Variants in ZFHX3 observed in about 807,000 individuals in gnomAD.
ZFHX3 encodes the protein zinc finger homeobox protein 3.
In ZFHX3, 42 loss-of-function variants were observed where a neutral mutation model predicts 279.1. The ratio of observed to expected loss-of-function variants is 0.15; its 90% confidence interval spans 0.12 to 0.19. The LOEUF is 0.19. Ranked by LOEUF, ZFHX3 falls within the 10% of genes least tolerant of loss-of-function variation. The probability of loss-of-function intolerance (pLI) is 1.00; values close to 1 mark genes in which losing one functional copy is unlikely to be tolerated. For missense variants in ZFHX3, 4,981 were observed against 4,754.0 expected, an observed-to-expected ratio of 1.05 and a Z score of -1.40; for synonymous variants, 2,293 against 1,957.8, an observed-to-expected ratio of 1.17 and a Z score of -4.52.
At chr16:72,856,382 G>A (rs1348536644) in intron 4 of ZFHX3, among the ~76,000 whole-genome samples, 2 of 152,236 alleles carry the variant, frequency 1.3e-5, no homozygotes, top group East Asian at 3.9e-4. Flanking sequence ...GGGCTCACGA[G>A]GCTTCCGGTG....
chr16:73,497,357 C>T (rs1339907969), intron 2 of ZFHX3, among the ~76,000 whole-genome samples: 1 of 152,142 alleles, frequency 6.6e-6, no homozygotes, highest in Non-Finnish European at 1.5e-5. Flanking sequence ...GAGAAAGACT[C>T]GGTTGTGGGT....
At chr16:73,208,871 C>T (rs2011904158) in intron 5 of ZFHX3, among the ~76,000 whole-genome samples, 1 of 152,182 alleles carries the variant, frequency 6.6e-6, no homozygotes, top group Non-Finnish European at 1.5e-5. Flanking sequence ...TTTATCAGTA[C>T]TGCCCCAAAC....
intron 8 of ZFHX3, among the ~76,000 whole-genome samples, chr16:73,073,525 G>A (rs1382389064): frequency 1.3e-5 from 2 of 152,134 alleles, no homozygotes; most frequent in Non-Finnish European, 2.9e-5. Flanking sequence ...TTGAGACAGA[G>A]TATCACTCTT....
At chr16:73,151,763 T>G (rs1167892458) in intron 5 of ZFHX3, among the ~76,000 whole-genome samples, 1 of 152,074 alleles carries the variant, frequency 6.6e-6, no homozygotes, top group Non-Finnish European at 1.5e-5. Flanking sequence ...CATGGGTTCC[T>G]TGAGTCAAAT....
rs1378937950 is a variant in ZFHX3, at chr16:73,545,208, A to G, written c.-1546-88950T>C. Among the ~76,000 whole-genome samples the G allele has an allele frequency of 5.3e-5, 8 of 152,248 alleles. No individual in the cohort carries two copies. The East Asian group carries it at 1.5e-3, about 29-fold the overall frequency. ...GGCAATCTCAGACCCCCATAATGAC[A>G]TCCAGGGTACCATAAACCTATCCTG... On this transcript the variant is annotated intron_variant, in intron 2 of 17. Coordinates refer to the ZFHX3 transcript ENST00000641206.
At chr16:73,058,258 C>T (rs1256264611) in intron 1 of ZFHX3, among the ~76,000 whole-genome samples, 15 of 141,168 alleles carry the variant, frequency 1.1e-4, no homozygotes, top group African/African-American at 2.8e-4. Context: ...GCGGCGGCGG[C>T]AGCGGCGGGA....
Position 72,960,051 on chromosome 16 carries a change from AG to A in ZFHX3, c.94del (p.Leu32SerfsTer22). Reference protein sequence around the residue: ...QQWTELNSTHLPDKPSSMEQS... With the variant: ...QQWTELNSTHXPDKPSSMEQS... ...CTCCATGCTACTGGGTTTGTCAGGGAGGTGGGTGCTGTTGAGTTCAGTCCAT... is the reference window on the plus strand; with the variant it reads ...CTCCATGCTACTGGGTTTGTCAGGGAGTGGGTGCTGTTGAGTTCAGTCCAT... On this transcript the variant is annotated frameshift_variant, in exon 2 of 10. Transcript: ENST00000268489. LOFTEE classifies it high-confidence loss of function. The A allele has an allele frequency of 6.2e-7, 1 of 1,613,942 alleles. No homozygotes were observed. Among genetic ancestry groups the A allele is most frequent in the South Asian group, 1.1e-5 (1 of 91,054 alleles).
rs75515422 is a variant in ZFHX3 at position 72,891,535 on chromosome 16, A to G, written c.3217-1573T>C. ...TAGAAAGGCCATCTCCTTCATTCCAATGATTCACTTTAGGGGAAGAGGGAA... is the reference window on the plus strand; with the variant it reads ...TAGAAAGGCCATCTCCTTCATTCCAGTGATTCACTTTAGGGGAAGAGGGAA... On this transcript the variant is annotated intron_variant, in intron 3 of 9. Coordinates refer to ENST00000268489, the MANE Select transcript of ZFHX3 (RefSeq NM_006885.4). 5.9e-3 allele frequency among the ~76,000 whole-genome samples: 895 copies of G among 152,276 alleles called. 23 individuals carry two copies. The highest frequency in any genetic ancestry group is 0.057 in the East Asian group (296 of 5,172).
chr16:73,013,599 A>G (rs1963994896), intron 1 of ZFHX3, among the ~76,000 whole-genome samples: 1 of 152,168 alleles, frequency 6.6e-6, no homozygotes. Flanking sequence ...AAAACCCTTT[A>G]TAAACACTCT....
intron 2 of ZFHX3, among the ~76,000 whole-genome samples, chr16:73,490,730 A>C (rs1201259820): frequency 6.6e-6 from 1 of 152,142 alleles, no homozygotes; most frequent in Non-Finnish European, 1.5e-5. Context: ...CCAGCTACTC[A>C]GGAGGGTGAG....
intron 3 of ZFHX3, among the ~76,000 whole-genome samples, chr16:73,372,879 C>G (rs983685353): frequency 1.3e-5 from 2 of 152,196 alleles, no homozygotes; most frequent in African/African-American, 4.8e-5. Context: ...GTGACACCTA[C>G]ATCCGAAACA....
At chr16:73,538,984 C>T (rs1567513402) in intron 2 of ZFHX3, among the ~76,000 whole-genome samples, 2 of 152,112 alleles carry the variant, frequency 1.3e-5, no homozygotes, top group Non-Finnish European at 2.9e-5. Flanking sequence ...ACACATGAGG[C>T]AGGAGGTACG....
intron 3 of ZFHX3, among the ~76,000 whole-genome samples, chr16:73,431,982 G>A (rs963424231): frequency 7.2e-5 from 11 of 152,130 alleles, no homozygotes; most frequent in Non-Finnish European, 1.3e-4. Flanking sequence ...TGAAGGCAGC[G>A]TGTTGCTCTC....
At chr16:73,508,574 T>A (rs2019368239) in intron 2 of ZFHX3, among the ~76,000 whole-genome samples, 1 of 152,170 alleles carries the variant, frequency 6.6e-6, no homozygotes, top group Non-Finnish European at 1.5e-5. Context: ...TGTGATCACA[T>A]GGAACCAGTT....
At chr16:73,728,017 C>A (rs1206331315) in intron 1 of ZFHX3, among the ~76,000 whole-genome samples, 3 of 87,732 alleles carry the variant, frequency 3.4e-5, no homozygotes, top group Admixed American at 1.3e-4. Flanking sequence ...CGAATTGTGC[C>A]CCCCCCCCGC....
At chr16:73,484,757 G>A (rs2018943359) in intron 2 of ZFHX3, among the ~76,000 whole-genome samples, 1 of 152,184 alleles carries the variant, frequency 6.6e-6, no homozygotes, top group Admixed American at 6.5e-5. Flanking sequence ...GAACACCTTC[G>A]ATGAGAAGGG....
At chr16:73,118,187 G>C (rs1320669950) in intron 7 of ZFHX3, among the ~76,000 whole-genome samples, 1 of 152,080 alleles carries the variant, frequency 6.6e-6, no homozygotes, top group Non-Finnish European at 1.5e-5. Context: ...TATTGCCAGA[G>C]GTCTTAATTA....
intron 1 of ZFHX3, among the ~76,000 whole-genome samples, chr16:72,989,077 G>A (rs1455877374): frequency 6.6e-6 from 1 of 151,812 alleles, no homozygotes; most frequent in African/African-American, 2.4e-5. Flanking sequence ...GAGAGGCCAA[G>A]GCAAGAGGAT....
At chr16:72,869,507 G>A (rs1286473207) in intron 4 of ZFHX3, among the ~76,000 whole-genome samples, 1 of 152,138 alleles carries the variant, frequency 6.6e-6, no homozygotes, top group African/African-American at 2.4e-5. Flanking sequence ...TTCTTATTCT[G>A]TAATAGTTTC....
Sources: allele counts gnomAD v4.1 joint callset (sites outside exome capture counted in the v4.1 genomes callset), GRCh38; gene constraint gnomAD v4.1.1; transcripts MANE v1.5; gene names NCBI Gene and HGNC (gene_info 2026-07-23, HGNC 2026-07-21).